The following SNTB2 variants were observed in gnomAD, a reference collection of about 807,000 sequenced individuals.
SNTB2 encodes the protein beta-2-syntrophin.
A neutral mutation model predicts 46.2 loss-of-function variants in SNTB2; 34 were observed. The observed-to-expected ratio is 0.74, with a 90% confidence interval of 0.56 to 0.98. SNTB2 has a LOEUF of 0.98. SNTB2 is among the 50% of genes least tolerant of loss of function. The pLI is 0.00. For synonymous variants in SNTB2, 290 were observed against 312.6 expected (o/e 0.93, Z 0.76); for missense variants, 603 against 731.4 (o/e 0.82, Z 2.02).
intron 1 of SNTB2, among the ~76,000 whole-genome samples, chr16:69,221,367 A>T (rs1567401158): frequency 6.6e-6 from 1 of 152,074 alleles, no homozygotes; most frequent in Non-Finnish European, 1.5e-5. Context: ...ATTCTCTGAA[A>T]TTTTTATCTC....
chr16:69,269,817 C>G (rs1306254078), intron 3 of SNTB2, among the ~76,000 whole-genome samples: 1 of 152,130 alleles, frequency 6.6e-6, no homozygotes, highest in African/African-American at 2.4e-5. Context: ...TGGCTCACGC[C>G]TGTAATCCCA....
chr16:69,256,282 A>T (rs1312802609), intron 2 of SNTB2, among the ~76,000 whole-genome samples: 1 of 152,122 alleles, frequency 6.6e-6, no homozygotes, highest in African/African-American at 2.4e-5. Context: ...AGCCTCCCCA[A>T]AGTGTTGGGA....
chr16:69,209,827 T>C (rs531835526), intron 1 of SNTB2, among the ~76,000 whole-genome samples: 1 of 152,078 alleles, frequency 6.6e-6, no homozygotes, highest in Non-Finnish European at 1.5e-5. Flanking sequence ...TTTTCTTATA[T>C]AACCGAATGA....
rs555472967 is a variant in SNTB2 at position 69,242,198 on chromosome 16, G to A, written c.581-3404G>A. On this transcript the variant is annotated intron_variant, in intron 1 of 6. Coordinates refer to ENST00000336278, the MANE Select transcript of SNTB2 (RefSeq NM_006750.4). Reference sequence around the variant, plus strand: ...CCCAACGCTTTGAGAGGCTAAGGCGGGAGGGTTGCTTGAAGCCAGGAGTTT... The same window carrying A: ...CCCAACGCTTTGAGAGGCTAAGGCGAGAGGGTTGCTTGAAGCCAGGAGTTT... Among the ~76,000 whole-genome samples, 495 of 152,218 alleles carry A rather than the reference G, an allele frequency of 3.3e-3. 2 individuals are homozygous for A. Among genetic ancestry groups the A allele is most frequent in the Non-Finnish European group, 5.3e-3 (363 of 68,008 alleles).
chr16:69,307,482 A>C lies in SNTB2; in HGVS notation c.*6558A>C, dbSNP rs1213998061. 6.6e-6 allele frequency: 1 copy of C among 152,168 alleles called. No homozygotes were observed. Among genetic ancestry groups the C allele is most frequent in the Non-Finnish European group, 1.5e-5 (1 of 68,026 alleles). 9.4% of individuals were successfully genotyped at this position (152,168 alleles called of 1,614,324 possible). On this transcript the variant is annotated 3_prime_UTR_variant, in exon 7 of 7. Transcript: ENST00000336278. ...CAACAAAAATTAAGTTTTATTGCAC[A>C]AAGTAGATAAATGAGAAAGTCTTTC...
chr16:69,230,656 T>A (rs948526460), intron 1 of SNTB2, among the ~76,000 whole-genome samples: 12 of 143,210 alleles, frequency 8.4e-5, no homozygotes. Flanking sequence ...CCACTGCGCC[T>A]GGCCGGGTTC....
intron 1 of SNTB2, among the ~76,000 whole-genome samples, chr16:69,224,782 G>T (rs1356753224): frequency 6.6e-6 from 1 of 152,038 alleles, no homozygotes; most frequent in Non-Finnish European, 1.5e-5. Flanking sequence ...ATTTTATTCT[G>T]TGGGTTATAA....
chr16:69,227,106 T>C (rs997520863), intron 1 of SNTB2, among the ~76,000 whole-genome samples: 8 of 152,220 alleles, frequency 5.3e-5, no homozygotes, highest in African/African-American at 1.2e-4. Context: ...GCAAGAATCC[T>C]TAATCTAGAG....
rs1201035872 is a variant in SNTB2, at chr16:69,296,590, C to T, written c.1346-3000C>T. 1.5e-4 allele frequency among the ~76,000 whole-genome samples: 23 copies of T among 149,810 alleles called. No homozygotes were observed. In the South Asian group the frequency reaches 4.7e-3, roughly 31 times the overall value. ...ACAAAAAATCAGCCAGGCCTGGTGG[C>T]ACATGCCTGTAATCCCAGCTACTCG... On this transcript the variant is annotated intron_variant, in intron 5 of 6. Transcript: ENST00000336278.
intron 2 of SNTB2, among the ~76,000 whole-genome samples, chr16:69,249,170 T>C (rs973014410): frequency 1.2e-4 from 18 of 151,876 alleles, no homozygotes; most frequent in Admixed American, 9.9e-4. Context: ...GGACTGCAGG[T>C]GCATGCCACT....
chr16:69,272,530 ACT>A (rs1411667713), intron 4 of SNTB2, among the ~76,000 whole-genome samples: 1 of 141,484 alleles, frequency 7.1e-6, no homozygotes, highest in African/African-American at 2.7e-5. Flanking sequence ...ACAGAGTGAG[ACT>A]CTGTCTCAAA....
At chr16:69,259,851 C>T (rs1964818332) in intron 2 of SNTB2, among the ~76,000 whole-genome samples, 199 bp from the exon 3 acceptor site, 1 of 151,694 alleles carries the variant, frequency 6.6e-6, no homozygotes, top group Non-Finnish European at 1.5e-5. Context: ...CTCAGGCAAT[C>T]CCCCTGCCTT....
At chr16:69,208,628 A>T (rs928311542) in intron 1 of SNTB2, among the ~76,000 whole-genome samples, 3 of 152,174 alleles carry the variant, frequency 2.0e-5, no homozygotes, top group Non-Finnish European at 2.9e-5. Flanking sequence ...GCACAGAATT[A>T]AAAAAGAAAA....
intron 2 of SNTB2, among the ~76,000 whole-genome samples, chr16:69,248,531 C>CCAAG (rs1427401231): frequency 6.6e-6 from 1 of 152,114 alleles, no homozygotes; most frequent in African/African-American, 2.4e-5. Context: ...ACTTGGAAGG[C>CCAAG]CAAGGCAGGA....
At chr16:69,212,057 C>T (rs1044083196) in intron 1 of SNTB2, among the ~76,000 whole-genome samples, 1 of 152,162 alleles carries the variant, frequency 6.6e-6, no homozygotes, top group African/African-American at 2.4e-5. Flanking sequence ...TATCAACAAC[C>T]TTTCAACAGT....
chr16:69,299,595 A>T lies in SNTB2; in HGVS notation c.1351A>T (p.Met451Leu), dbSNP rs1190566330. ...ELIKEVSLGC[M>L]LNGQEVRLTI... ...TTTTTGCTTTTCTTCAACAGGCTGCATGTTAAATGGCCAAGAGGTGAGGCT... is the reference window on the plus strand; with the variant it reads ...TTTTTGCTTTTCTTCAACAGGCTGCTTGTTAAATGGCCAAGAGGTGAGGCT... The change falls in exon 6 of 7, where the codon ATG (methionine) becomes TTG (leucine). Residue 451 changes from methionine (M) to leucine (L), a missense_variant. Transcript: ENST00000336278. 1.2e-6 allele frequency: 2 copies of T among 1,613,324 alleles called. No individual in the cohort carries two copies. The highest frequency in any genetic ancestry group is 2.7e-5 in the African/African-American group (2 of 74,894).
chr16:69,200,006 C>T (rs1964145791), intron 1 of SNTB2, among the ~76,000 whole-genome samples: 3 of 152,078 alleles, frequency 2.0e-5, no homozygotes, highest in African/African-American at 7.2e-5. Context: ...CCTCCATCTC[C>T]CGGGTTCAAG....
At chr16:69,255,913 C>A (rs980277112) in intron 2 of SNTB2, among the ~76,000 whole-genome samples, 1 of 150,880 alleles carries the variant, frequency 6.6e-6, no homozygotes, top group Non-Finnish European at 1.5e-5. Context: ...TGGGGGGCGA[C>A]GCAGTGGCTC....
chr16:69,235,896 C>G (rs2152295564), intron 1 of SNTB2: 1 of 1,261,780 alleles, frequency 7.9e-7, no homozygotes, highest in East Asian at 5.6e-5. Context: ...GGATGCAGTC[C>G]CATTAGATAT....
Sources: gnomAD v4.1 joint callset for allele counts (sites outside exome capture counted in the v4.1 genomes callset) on GRCh38, gnomAD v4.1.1 for gene constraint, MANE v1.5 for transcripts, NCBI Gene and HGNC (gene_info 2026-07-23, HGNC 2026-07-21) for gene names.